Variants in BICC1 observed in about 807,000 individuals in gnomAD.
BICC1 encodes BicC family RNA binding protein 1, also known as protein bicaudal C homolog 1.
In BICC1, 43 loss-of-function variants were observed where a neutral mutation model predicts 111.0. That is an observed-to-expected ratio of 0.39 (90% confidence interval 0.30 to 0.50). The LOEUF (loss-of-function observed/expected upper bound fraction) is 0.50. Among genes scored for constraint, BICC1 ranks in the 20% least tolerant of loss-of-function variants. The pLI is 0.88. For synonymous variants in BICC1, 467 were observed against 434.4 expected (o/e 1.07, Z -0.93); for missense variants, 1,091 against 1,203.2 (o/e 0.91, Z 1.38).
intron 3 of BICC1, among the ~76,000 whole-genome samples, chr10:58,730,924 GC>G (rs1469488730): frequency 6.6e-6 from 1 of 152,124 alleles, no homozygotes; most frequent in Non-Finnish European, 1.5e-5. Context: ...GCAAATTCCT[GC>G]AGCCTGCTTG....
intron 18 of BICC1, among the ~76,000 whole-genome samples, chr10:58,815,689 T>C (rs1844065091): frequency 6.6e-6 from 1 of 151,780 alleles, no homozygotes. Context: ...AAACTACAAG[T>C]AGTTAAGACC....
At chr10:58,723,827 A>C (rs901836147) in intron 3 of BICC1, among the ~76,000 whole-genome samples, 6 of 152,242 alleles carry the variant, frequency 3.9e-5, no homozygotes, top group Admixed American at 3.3e-4. Flanking sequence ...ATTGTGATAA[A>C]GTGCAATTTA....
In BICC1 at chr10:58,635,768, C is replaced by T. The variant is rs143755694; in HGVS notation, c.237+14867C>T. On this transcript the variant is annotated intron_variant, in intron 2 of 20. Coordinates refer to ENST00000373886, the MANE Select transcript of BICC1 (RefSeq NM_001080512.3). ...TTCTCTTGTCAACCAGTGGTATCCCCAAGCCCTGATCGTTCTTGACTCTAA... is the reference window on the plus strand; with the variant it reads ...TTCTCTTGTCAACCAGTGGTATCCCTAAGCCCTGATCGTTCTTGACTCTAA... 7.6e-3 allele frequency among the ~76,000 whole-genome samples: 1,151 copies of T among 152,270 alleles called. 11 individuals carry two copies. The highest frequency in any genetic ancestry group is 0.027 in the African/African-American group (1,108 of 41,544).
chr10:58,818,376 C>T (rs1048925570), intron 19 of BICC1, among the ~76,000 whole-genome samples: 4 of 152,092 alleles, frequency 2.6e-5, no homozygotes, highest in African/African-American at 7.2e-5. Context: ...TCTCATATTA[C>T]TGGGGCACAG....
intron 1 of BICC1, among the ~76,000 whole-genome samples, chr10:58,601,193 T>TA (rs1221950120): frequency 8.1e-6 from 1 of 122,878 alleles, no homozygotes; most frequent in African/African-American, 2.9e-5. Flanking sequence ...ATTTGGAAAA[T>TA]AAAAAAAATT....
At chr10:58,601,756 T>C (rs764008096) in intron 1 of BICC1, among the ~76,000 whole-genome samples, 2 of 152,144 alleles carry the variant, frequency 1.3e-5, no homozygotes, top group Non-Finnish European at 2.9e-5. Flanking sequence ...GTTATAATTA[T>C]ATAAATTATA....
intron 1 of BICC1, among the ~76,000 whole-genome samples, chr10:58,536,442 G>T (rs188125570): frequency 3.5e-4 from 53 of 151,738 alleles, no homozygotes; most frequent in Middle Eastern, 6.8e-3. Flanking sequence ...TAAATACATG[G>T]AAGTTAATCT....
intron 17 of BICC1, among the ~76,000 whole-genome samples, chr10:58,811,088 A>G (rs1447465968): frequency 6.6e-6 from 1 of 152,204 alleles, no homozygotes; most frequent in Non-Finnish European, 1.5e-5. Context: ...GATCCCTTAG[A>G]TAAGAAGCAG....
At chr10:58,541,308 C>G (rs564236105) in intron 1 of BICC1, among the ~76,000 whole-genome samples, 4 of 151,926 alleles carry the variant, frequency 2.6e-5, no homozygotes, top group Non-Finnish European at 4.4e-5. Flanking sequence ...CCTAATGATT[C>G]CACACACACA....
chr10:58,599,561 G>T (rs755918644), intron 1 of BICC1, among the ~76,000 whole-genome samples: 2 of 152,120 alleles, frequency 1.3e-5, no homozygotes, highest in African/African-American at 2.4e-5. Flanking sequence ...GTGATGGGTT[G>T]TTGGGTGCAG....
intron 1 of BICC1, among the ~76,000 whole-genome samples, chr10:58,592,585 G>A (rs1844658208): frequency 6.6e-6 from 1 of 151,806 alleles, no homozygotes; most frequent in Admixed American, 6.6e-5. Flanking sequence ...GTTGGTGGCG[G>A]GTGCCTGTAG....
At chr10:58,674,457 T>C (rs7069821) in intron 2 of BICC1, among the ~76,000 whole-genome samples, 148,835 of 152,306 alleles carry the variant, frequency 0.98, 72,842 homozygotes, top group Middle Eastern at 1. Context: ...GTGTTTTTCT[T>C]TTGTGGAACA....
chr10:58,525,795 C>A lies in BICC1; in HGVS notation c.190+12462C>A, dbSNP rs554178519. Among the ~76,000 whole-genome samples, 537 of 152,104 alleles carry A rather than the reference C, an allele frequency of 3.5e-3. 4 individuals are homozygous for A. Among genetic ancestry groups the A allele is most frequent in the African/African-American group, 0.012 (504 of 41,524 alleles). ...ATCTCACCATCCTAACAACCATTTT[C>A]ATTTTTCTGCCTTGAATTAGAGTTT... On this transcript the variant is annotated intron_variant, in intron 1 of 20. Coordinates refer to ENST00000373886, the MANE Select transcript of BICC1 (RefSeq NM_001080512.3).
Position 58,799,236 on chromosome 10 carries a change from T to C in BICC1, c.1709T>C (p.Leu570Ser), listed in dbSNP as rs756884510. ...GAAGGCAAAAAAATCTCTGCTGCTT[T>C]AAATGGACATGCACAGGTAATGGCC... ...QTEGKKISAA[L>S]NGHAQSPDIK... The change falls in exon 12 of 21, where the codon TTA becomes TCA. Residue 570 changes from leucine to serine, a missense_variant. Around this residue, in one of 3 missense-constraint regions of BICC1, gnomAD observed 843 missense variants for 900.8 expected, o/e 0.94. Coordinates refer to ENST00000373886, the MANE Select transcript of BICC1 (RefSeq NM_001080512.3). The C allele has an allele frequency of 3.1e-6, 5 of 1,604,122 alleles. No homozygotes were observed. The South Asian group carries it at 5.6e-5, about 18-fold the overall frequency.
intron 1 of BICC1, among the ~76,000 whole-genome samples, chr10:58,583,582 CTCTG>C (rs751642170): frequency 8.9e-4 from 62 of 69,606 alleles, no homozygotes; most frequent in African/African-American, 2.0e-3. Flanking sequence ...TATTCTCTCT[CTCTG>C]TGTGTGTGTG....
At chr10:58,642,157 A>G (rs922153284) in intron 2 of BICC1, among the ~76,000 whole-genome samples, 4 of 152,196 alleles carry the variant, frequency 2.6e-5, no homozygotes, top group Non-Finnish European at 5.9e-5. Context: ...ATTAATTGGT[A>G]AGTGCTGAAT....
intron 10 of BICC1, 55 bp downstream of exon 10, chr10:58,796,581 T>G (rs1486713605): frequency 6.6e-6 from 10 of 1,505,194 alleles, no homozygotes; most frequent in Middle Eastern, 2.1e-4. Flanking sequence ...GCTTGTCTGG[T>G]TCCCTTTCTT....
rs559764770 is a variant in BICC1 at position 58,784,933 on chromosome 10, A to G, written c.308-68A>G. On this transcript the variant is annotated intron_variant, in intron 3 of 20. Transcript: ENST00000373886. ...TATGTTCTAGAGTCAATTTTAAAAC[A>G]GAGTTTTTAAAACAATTTTAAACAG... The G allele has an allele frequency of 5.0e-6, 4 of 805,836 alleles. No homozygotes were observed. The South Asian group carries it at 5.5e-5, about 11-fold the overall frequency. 49.9% of individuals were successfully genotyped at this position (805,836 alleles called of 1,614,324 possible).
At chr10:58,783,625 G>C (rs1480972796) in intron 3 of BICC1, among the ~76,000 whole-genome samples, 1 of 151,872 alleles carries the variant, frequency 6.6e-6, no homozygotes, top group African/African-American at 2.4e-5. Flanking sequence ...GGTGTGAAAG[G>C]TGTGAAAGGT....
Sources: gnomAD v4.1 joint callset for allele counts (sites outside exome capture counted in the v4.1 genomes callset) on GRCh38, gnomAD v4.1.1 for gene constraint, gnomAD v4.1.1 regional missense constraint, MANE v1.5 for transcripts, NCBI Gene and HGNC (gene_info 2026-07-23, HGNC 2026-07-21) for gene names.